Variants in SH3RF3 observed in about 807,000 individuals in gnomAD.
The protein encoded by SH3RF3 is SH3 domain containing ring finger 3, also known as E3 ubiquitin-protein ligase SH3RF3.
In SH3RF3, 29 loss-of-function variants were observed where a neutral mutation model predicts 66.3. The observed-to-expected ratio is 0.44, with a 90% confidence interval of 0.33 to 0.60. The LOEUF (loss-of-function observed/expected upper bound fraction) is 0.60, where lower values mean the gene tolerates loss of function less well. Among genes scored for constraint, SH3RF3 ranks in the 20% least tolerant of loss-of-function variants. The probability of loss-of-function intolerance (pLI) is 0.04; values close to 1 mark genes in which losing one functional copy is unlikely to be tolerated. For synonymous variants in SH3RF3, 583 were observed against 532.0 expected (o/e 1.10, Z -1.32); for missense variants, 1,194 against 1,190.9 (o/e 1.00, Z -0.04).
chr2:109,275,752 C>T (rs932066134), intron 1 of SH3RF3, among the ~76,000 whole-genome samples: 2 of 152,178 alleles, frequency 1.3e-5, no homozygotes, highest in Non-Finnish European at 2.9e-5. Flanking sequence ...CGGACAGCCG[C>T]ACCTGCTTCC....
At chr2:109,157,912 C>T (rs1677387777) in intron 1 of SH3RF3, among the ~76,000 whole-genome samples, 1 of 152,108 alleles carries the variant, frequency 6.6e-6, no homozygotes, top group Non-Finnish European at 1.5e-5. Flanking sequence ...GGCAGCTGCT[C>T]GTGTTTGATT....
intron 1 of SH3RF3, among the ~76,000 whole-genome samples, chr2:109,240,903 T>C (rs2105219225): frequency 6.7e-6 from 1 of 148,966 alleles, no homozygotes; most frequent in African/African-American, 2.5e-5. Flanking sequence ...TCTCTCTGTC[T>C]TGCTCCCCGC....
intron 2 of SH3RF3, among the ~76,000 whole-genome samples, chr2:109,367,075 C>T (rs561018616): frequency 6.6e-6 from 1 of 151,046 alleles, no homozygotes; most frequent in African/African-American, 2.4e-5. Flanking sequence ...GCCTCACCCT[C>T]CAGAGCAGCT....
At chr2:109,399,603 A>G (rs753386065) in intron 4 of SH3RF3, among the ~76,000 whole-genome samples, 2 of 152,340 alleles carry the variant, frequency 1.3e-5, no homozygotes, top group Non-Finnish European at 2.9e-5. Context: ...CCCTGTCTCT[A>G]CAAGCAACCA....
intron 1 of SH3RF3, among the ~76,000 whole-genome samples, chr2:109,195,759 C>G (rs1345598217): frequency 6.6e-6 from 1 of 152,068 alleles, no homozygotes; most frequent in East Asian, 1.9e-4. Flanking sequence ...TTAAAAATAG[C>G]CTTTGGACTT....
chr2:109,420,663 T>C (rs1255011621), intron 5 of SH3RF3, among the ~76,000 whole-genome samples: 3 of 152,166 alleles, frequency 2.0e-5, no homozygotes, highest in African/African-American at 7.2e-5. Context: ...GCCAGGATGG[T>C]CTCGATCTCC....
chr2:109,173,542 C>T (rs894583093), intron 1 of SH3RF3, among the ~76,000 whole-genome samples: 2 of 152,192 alleles, frequency 1.3e-5, no homozygotes, highest in Non-Finnish European at 2.9e-5. Flanking sequence ...GGCTGCCTAA[C>T]AACAGAGCTC....
intron 4 of SH3RF3, among the ~76,000 whole-genome samples, chr2:109,401,770 C>T (rs965660124): frequency 3.3e-5 from 5 of 152,196 alleles, no homozygotes; most frequent in African/African-American, 1.2e-4. Flanking sequence ...TCTCATGTTG[C>T]CATGGCCTCC....
intron 1 of SH3RF3, among the ~76,000 whole-genome samples, chr2:109,306,821 G>T (rs1681608540): frequency 6.6e-6 from 1 of 152,224 alleles, no homozygotes; most frequent in East Asian, 1.9e-4. Flanking sequence ...GTATTTCCTA[G>T]GTTGCTCTGG....
chr2:109,286,420 G>A (rs1487623454), intron 1 of SH3RF3, among the ~76,000 whole-genome samples: 1 of 152,152 alleles, frequency 6.6e-6, no homozygotes, highest in Non-Finnish European at 1.5e-5. Flanking sequence ...AGGGGCAAAG[G>A]GCATGGGGCT....
In SH3RF3 at chr2:109,380,139, G is replaced by C. The variant is rs576272307; in HGVS notation, c.945+8458G>C. ...CCAAGGCGTGATCCACACATACATGGGTGTTCATTGTAGTTTGGGTTTGTT... is the reference window on the plus strand; with the variant it reads ...CCAAGGCGTGATCCACACATACATGCGTGTTCATTGTAGTTTGGGTTTGTT... On this transcript the variant is annotated intron_variant, in intron 3 of 9. Coordinates refer to ENST00000309415, the MANE Select transcript of SH3RF3 (RefSeq NM_001099289.3). Among the ~76,000 whole-genome samples, 5 of 152,290 alleles carry C rather than the reference G, an allele frequency of 3.3e-5. No individual in the cohort carries two copies. The South Asian group carries it at 6.2e-4, about 19-fold the overall frequency.
At chr2:109,389,000 A>G (rs1479322495) in intron 3 of SH3RF3, among the ~76,000 whole-genome samples, 2 of 152,130 alleles carry the variant, frequency 1.3e-5, no homozygotes, top group African/African-American at 4.8e-5. Flanking sequence ...ACCACAGCCC[A>G]ATGCACCATC....
At chr2:109,459,375 C>T (rs1352489809) in intron 8 of SH3RF3, among the ~76,000 whole-genome samples, 1 of 152,130 alleles carries the variant, frequency 6.6e-6, no homozygotes, top group Non-Finnish European at 1.5e-5. Flanking sequence ...TTCCCCTTCC[C>T]TTCAGAAAGC....
chr2:109,240,646 C>G (rs2105217930), intron 1 of SH3RF3, among the ~76,000 whole-genome samples: 1 of 152,290 alleles, frequency 6.6e-6, no homozygotes, highest in East Asian at 1.9e-4. Context: ...TCCCCTGCCA[C>G]TGACGGATTA....
intron 1 of SH3RF3, among the ~76,000 whole-genome samples, chr2:109,260,677 A>G (rs1680327733): frequency 6.6e-6 from 1 of 152,112 alleles, no homozygotes; most frequent in Non-Finnish European, 1.5e-5. Context: ...CCCATGGGAG[A>G]AGCGGCCTGC....
At chr2:109,323,951 A>G (rs1283902505) in intron 1 of SH3RF3, among the ~76,000 whole-genome samples, 2 of 152,208 alleles carry the variant, frequency 1.3e-5, no homozygotes, top group African/African-American at 2.4e-5. Flanking sequence ...TGCCATACCT[A>G]TCAGTAGTCA....
At chr2:109,404,347 G>A (rs1676392423) in intron 4 of SH3RF3, among the ~76,000 whole-genome samples, 2 of 152,242 alleles carry the variant, frequency 1.3e-5, no homozygotes, top group South Asian at 4.1e-4. Context: ...AGGTGAGCTC[G>A]AGGCCTGGCG....
At chr2:109,255,487 T>C (rs1233142689) in intron 1 of SH3RF3, among the ~76,000 whole-genome samples, 5 of 152,230 alleles carry the variant, frequency 3.3e-5, no homozygotes, top group African/African-American at 4.8e-5. Context: ...GTCAGCCGAC[T>C]GGGTATCTTT....
chr2:109,418,188 C>T (rs1181246261), intron 4 of SH3RF3, among the ~76,000 whole-genome samples: 1 of 152,106 alleles, frequency 6.6e-6, no homozygotes. Context: ...GACCCCTATT[C>T]TGCCCCTCGT....
Sources: allele counts gnomAD v4.1 joint callset (sites outside exome capture counted in the v4.1 genomes callset), GRCh38; gene constraint gnomAD v4.1.1; transcripts MANE v1.5; gene names NCBI Gene and HGNC (gene_info 2026-07-23, HGNC 2026-07-21).